Variants in SH3BP5 observed in about 807,000 individuals in gnomAD.
SH3BP5 encodes SH3 domain-binding protein 5.
SH3BP5 carries 22 observed loss-of-function variants against 43.3 expected under a neutral mutation model. The observed-to-expected ratio is 0.51, with a 90% CI of 0.36 to 0.73. The LOEUF (loss-of-function observed/expected upper bound fraction) is 0.73, where lower values mean the gene tolerates loss of function less well. Among genes scored for constraint, SH3BP5 ranks in the 30% least tolerant of loss-of-function variants. The pLI is 0.00. For missense variants in SH3BP5, 529 were observed against 586.9 expected, an observed-to-expected ratio of 0.90 and a Z score of 1.02; for synonymous variants, 255 against 225.8, an observed-to-expected ratio of 1.13 and a Z score of -1.16.
At chr3:15,332,685 C>A, upstream of SH3BP5, 1 of 1,130,202 alleles carries the variant, frequency 8.8e-7, no homozygotes, top group African/African-American at 1.6e-5. Flanking sequence ...CCAGTCCCAG[C>A]TATCCAGGTC....
chr3:15,321,884 G>C (rs1218655692), intron 2 of SH3BP5, among the ~76,000 whole-genome samples: 1 of 151,922 alleles, frequency 6.6e-6, no homozygotes, highest in Non-Finnish European at 1.5e-5. Flanking sequence ...GTAACAAGCA[G>C]TTCACATTCT....
At chr3:15,307,741 T>C (rs1441590600) in intron 2 of SH3BP5, among the ~76,000 whole-genome samples, 1 of 152,270 alleles carries the variant, frequency 6.6e-6, no homozygotes, top group Non-Finnish European at 1.5e-5. Flanking sequence ...GCAGCCGCTC[T>C]GCAAGATGCA....
chr3:15,291,536 G>A (rs1697412992), intron 3 of SH3BP5, among the ~76,000 whole-genome samples: 2 of 152,142 alleles, frequency 1.3e-5, no homozygotes, highest in Admixed American at 6.5e-5. Context: ...TGGGTGTTCT[G>A]TATTCCCATG....
chr3:15,296,341 T>TACACAC (rs141504303), intron 3 of SH3BP5, among the ~76,000 whole-genome samples: 1,919 of 146,234 alleles, frequency 0.013, 20 homozygotes, highest in African/African-American at 0.031. Flanking sequence ...GGAAATCATA[T>TACACAC]ACACACACAC....
chr3:15,310,618 C>G (rs1483524813), intron 2 of SH3BP5, among the ~76,000 whole-genome samples: 1 of 152,120 alleles, frequency 6.6e-6, no homozygotes, highest in Non-Finnish European at 1.5e-5. Context: ...AGAGAGCAAG[C>G]AGATCTTCCA....
intron 2 of SH3BP5, among the ~76,000 whole-genome samples, chr3:15,327,014 A>G (rs1441393367): frequency 6.6e-6 from 1 of 152,240 alleles, no homozygotes; most frequent in Non-Finnish European, 1.5e-5. Flanking sequence ...TTTTCCCTAC[A>G]ACAATGGTTC....
Position 15,256,257 on chromosome 3 carries a change from G to C in SH3BP5, c.1197C>G (p.Asn399Lys). ...TGCTACTGCTGAGGCCCCGGTTGTT[G>C]TTGGCTTTGTCACTTGTTTTATTCT... ...GAENKTSDKA[N>K]NNRGLSSSSG... Residue 399 changes from asparagine to lysine, a missense_variant, in exon 9 of 9, where the codon AAC becomes AAG. Physicochemically the swap from Asn to Lys is moderately conservative, Grantham distance 94. Around this residue, in one of 3 missense-constraint regions of SH3BP5, gnomAD observed 369 missense variants for 384.3 expected, o/e 0.96. Coordinates refer to ENST00000383791, the MANE Select transcript of SH3BP5 (RefSeq NM_004844.5). The C allele has an allele frequency of 6.2e-7, 1 of 1,614,206 alleles. No homozygotes were observed. The highest frequency in any genetic ancestry group is 8.5e-7 in the Non-Finnish European group (1 of 1,180,048).
In SH3BP5 at chr3:15,262,262, T is replaced by C. The variant is rs999489879; in HGVS notation, c.523A>G (p.Arg175Gly). 4 of 1,614,096 alleles carry C rather than the reference T, an allele frequency of 2.5e-6. No individual in the cohort carries two copies. In the African/African-American group the frequency reaches 5.3e-5, roughly 22 times the overall value. The part of the protein sequence containing the change: ...RVMEAEQTKT[R>G]SELVHKETAA... ...GTCTCCTTATGCACCAGCTCGCTCC[T>C]GGTCTTGGTCTGCTCCGCCTCCATG... Residue 175 changes from arginine to glycine, a missense_variant, in exon 5 of 9, where the codon AGG (arginine) becomes GGG (glycine). Arg to Gly is a moderately radical substitution (Grantham distance 125). Transcript: ENST00000383791.
In SH3BP5 at chr3:15,259,739, C is replaced by T. The variant is rs562257610; in HGVS notation, c.669+22G>A. The T allele has an allele frequency of 6.2e-5, 100 of 1,613,040 alleles. No homozygotes were observed. In the South Asian group the frequency reaches 1.0e-3, roughly 16 times the overall value. On this transcript the variant is annotated intron_variant, in intron 6 of 8. Coordinates refer to ENST00000383791, the MANE Select transcript of SH3BP5 (RefSeq NM_004844.5). ...GAGTGCAGAAAAATCTCATCAGTGACGAAGCCCAAAGCTACACATACCTCG... is the reference window on the plus strand; with the variant it reads ...GAGTGCAGAAAAATCTCATCAGTGATGAAGCCCAAAGCTACACATACCTCG...
At chr3:15,261,679 C>CTG (rs1251057409) in intron 5 of SH3BP5, among the ~76,000 whole-genome samples, 2 of 148,118 alleles carry the variant, frequency 1.4e-5, no homozygotes, top group African/African-American at 5.2e-5. Context: ...ATATACAGGG[C>CTG]TGTAGTGAGA....
At chr3:15,277,307 G>A (rs527408321) in intron 3 of SH3BP5, among the ~76,000 whole-genome samples, 1 of 152,262 alleles carries the variant, frequency 6.6e-6, no homozygotes, top group Admixed American at 6.5e-5. Flanking sequence ...ACTTGCCGGT[G>A]CTGCAAACTC....
chr3:15,270,448 C>G (rs1471952120), intron 3 of SH3BP5, among the ~76,000 whole-genome samples: 5 of 152,180 alleles, frequency 3.3e-5, no homozygotes, highest in African/African-American at 1.2e-4. Context: ...GTCTCCCACT[C>G]AACTCACACC....
chr3:15,300,340 TG>T (rs1697701652), intron 3 of SH3BP5, among the ~76,000 whole-genome samples: 1 of 152,212 alleles, frequency 6.6e-6, no homozygotes, highest in South Asian at 2.1e-4. Context: ...TAGCCAGGGC[TG>T]TTCCCTTGAC....
In SH3BP5 at chr3:15,294,330, T is replaced by TGTGCGC. The variant is rs565464561; in HGVS notation, c.330+9772_330+9773insGCGCAC. Among the ~76,000 whole-genome samples the TGTGCGC allele has an allele frequency of 6.1e-3, 736 of 121,542 alleles. 7 individuals carry two copies. Among genetic ancestry groups the TGTGCGC allele is most frequent in the African/African-American group, 0.023 (568 of 25,174 alleles). 79.7% of individuals were successfully genotyped at this position (121,542 alleles called of 152,430 possible). A position where few individuals can be genotyped will look rare whatever the true frequency, so the allele number is the denominator to read the frequency against. On this transcript the variant is annotated intron_variant, in intron 3 of 8. Coordinates refer to ENST00000383791, the MANE Select transcript of SH3BP5 (RefSeq NM_004844.5). ...GTGTGTGTGTGTGTGTGTGTGTGTG[T>TGTGCGC]GCGCGCGCATGTTTACGTAACTCCC...
At chr3:15,265,512 T>TCTCTCTCTCACACACACACACA (rs1318765546) in intron 4 of SH3BP5, among the ~76,000 whole-genome samples, 2 of 107,934 alleles carry the variant, frequency 1.9e-5, no homozygotes, top group African/African-American at 8.3e-5. Context: ...CGAGACTCCG[T>TCTCTCTCTCACACACACACACA]CACACACACA....
chr3:15,306,826 G>C (rs541646550), intron 2 of SH3BP5, among the ~76,000 whole-genome samples: 4 of 151,900 alleles, frequency 2.6e-5, no homozygotes, highest in Non-Finnish European at 5.9e-5. Context: ...GCACCACCAC[G>C]CCAAGCTAAT....
chr3:15,289,549 G>A (rs1036294583), intron 3 of SH3BP5, among the ~76,000 whole-genome samples: 5 of 152,308 alleles, frequency 3.3e-5, no homozygotes, highest in African/African-American at 1.2e-4. Context: ...TAGGTCCTCT[G>A]TTAGTTGAGA....
chr3:15,303,359 G>A (rs139056457), intron 3 of SH3BP5, among the ~76,000 whole-genome samples: 2,441 of 152,302 alleles, frequency 0.016, 23 homozygotes, highest in Non-Finnish European at 0.025. Flanking sequence ...CCAGCCCAGA[G>A]CCTGCCACAC....
intron 4 of SH3BP5, among the ~76,000 whole-genome samples, chr3:15,266,947 C>T (rs964726255): frequency 2.0e-5 from 3 of 152,222 alleles, no homozygotes; most frequent in African/African-American, 4.8e-5. Context: ...ATCGTGTAGT[C>T]CAAGCCACTG....
Sources: allele counts gnomAD v4.1 joint callset (sites outside exome capture counted in the v4.1 genomes callset), GRCh38; gene constraint gnomAD v4.1.1; regional missense constraint gnomAD v4.1.1; transcripts MANE v1.5; gene names NCBI Gene and HGNC (gene_info 2026-07-23, HGNC 2026-07-21).